The following RYR2 variants were observed in gnomAD, a reference collection of about 807,000 sequenced individuals.
RYR2 encodes ryanodine receptor 2.
A neutral mutation model predicts 601.1 loss-of-function variants in RYR2; 227 were observed. That is an observed-to-expected ratio of 0.38 (90% CI 0.34 to 0.42). RYR2 has a LOEUF of 0.42. RYR2 is among the 10% of genes least tolerant of loss of function. The pLI, the probability that RYR2 is intolerant of heterozygous loss-of-function variation, is 1.00. For synonymous variants in RYR2, 2,223 were observed against 2,175.1 expected (o/e 1.02, Z -0.61); for missense variants, 4,646 against 6,156.5 (o/e 0.75, Z 8.21).
At chr1:237,081,625 ACACT>A (rs930447330) in intron 1 of RYR2, among the ~76,000 whole-genome samples, 2 of 151,924 alleles carry the variant, frequency 1.3e-5, no homozygotes, top group Non-Finnish European at 2.9e-5. Flanking sequence ...ACATACGCAC[ACACT>A]CTCTCTCTCC....
chr1:237,687,531 G>A (rs2148969408), intron 63 of RYR2, 27 bp downstream of exon 63: 2 of 1,576,382 alleles, frequency 1.3e-6, no homozygotes, highest in Non-Finnish European at 1.7e-6. Context: ...AAAAATACAA[G>A]CATGGCCATC....
chr1:237,281,995 A>T (rs1431606229), intron 2 of RYR2, among the ~76,000 whole-genome samples: 1 of 149,358 alleles, frequency 6.7e-6, no homozygotes, highest in South Asian at 2.1e-4. Context: ...TATATACTAC[A>T]GAGTGCCTGC....
At chr1:237,605,571 A>G (rs1349648086) in intron 35 of RYR2, among the ~76,000 whole-genome samples, 1 of 152,210 alleles carries the variant, frequency 6.6e-6, no homozygotes, top group African/African-American at 2.4e-5. Flanking sequence ...GGCCAGAGCA[A>G]TCAGGCAAGG....
intron 2 of RYR2, among the ~76,000 whole-genome samples, chr1:237,280,001 A>G (rs1396248545): frequency 1.3e-5 from 2 of 152,238 alleles, no homozygotes; most frequent in East Asian, 1.9e-4. Context: ...TAGATGTAAC[A>G]ATATCAAGAG....
intron 80 of RYR2, among the ~76,000 whole-genome samples, chr1:237,750,798 G>C (rs978371428): frequency 6.6e-6 from 1 of 152,084 alleles, no homozygotes; most frequent in Non-Finnish European, 1.5e-5. Context: ...AGCATAAAAT[G>C]GCTACCAAGT....
chr1:237,405,253 C>A (rs982462664), intron 10 of RYR2, among the ~76,000 whole-genome samples: 19 of 152,122 alleles, frequency 1.2e-4, no homozygotes, highest in African/African-American at 4.6e-4. Flanking sequence ...GATGCAACTG[C>A]CAGTGATGTA....
chr1:237,304,307 C>T (rs1303458490), intron 2 of RYR2, among the ~76,000 whole-genome samples: 1 of 152,214 alleles, frequency 6.6e-6, no homozygotes, highest in East Asian at 1.9e-4. Context: ...CAAGTCCCTT[C>T]AGCTTCTTTT....
At chr1:237,580,100 C>T (rs958292091) in intron 29 of RYR2, among the ~76,000 whole-genome samples, 4 of 151,258 alleles carry the variant, frequency 2.6e-5, no homozygotes, top group Non-Finnish European at 4.4e-5. Context: ...GAAGACTGCA[C>T]ATCTCACTCT....
At chr1:237,393,284 C>T (rs565476416) in intron 10 of RYR2, among the ~76,000 whole-genome samples, 2 of 152,258 alleles carry the variant, frequency 1.3e-5, no homozygotes, top group South Asian at 4.1e-4. Context: ...ATTTGCTTCC[C>T]AAAATGTGAC....
At chr1:237,344,232 G>T (rs1359308225) in intron 3 of RYR2, among the ~76,000 whole-genome samples, 1 of 152,186 alleles carries the variant, frequency 6.6e-6, no homozygotes, top group Non-Finnish European at 1.5e-5. Context: ...ATGGCGTTTT[G>T]CCGGGGGCTG....
chr1:237,770,807 G>T lies in RYR2; in HGVS notation c.11477G>T (p.Gly3826Val). The change falls in exon 85 of 105, where the codon GGA (glycine) becomes GTA (valine). Residue 3826 changes from glycine (G) to valine (V), a missense_variant and splice_region_variant. Coordinates refer to ENST00000366574, the MANE Select transcript of RYR2 (RefSeq NM_001035.3). ...TTTGATCCCTCTGGATTTCCCACAG[G>T]AGAAAAGGTTCTGCAGGACGATGAG... is the stretch of plus-strand genomic sequence containing the variant. ...GLGMVTEEGS[G>V]EKVLQDDEFT... 1 of 1,550,464 alleles carries T rather than the reference G, an allele frequency of 6.4e-7. No homozygotes were observed. The highest frequency in any genetic ancestry group is 1.2e-5 in the South Asian group (1 of 84,152).
At chr1:237,794,990 G>A (rs1658933321) in intron 95 of RYR2, among the ~76,000 whole-genome samples, 1 of 152,150 alleles carries the variant, frequency 6.6e-6, no homozygotes, top group African/African-American at 2.4e-5. Context: ...ACAGGTCTAT[G>A]TACTGATATG....
intron 1 of RYR2, among the ~76,000 whole-genome samples, chr1:237,058,262 T>A (rs1162554421): frequency 6.6e-6 from 1 of 152,230 alleles, no homozygotes; most frequent in Non-Finnish European, 1.5e-5. Flanking sequence ...GGAAACAGAA[T>A]GATTCTGCTG....
chr1:237,572,604 A>G (rs192838391), intron 29 of RYR2, among the ~76,000 whole-genome samples: 1 of 152,312 alleles, frequency 6.6e-6, no homozygotes, highest in Admixed American at 6.5e-5. Flanking sequence ...TCTATCATAG[A>G]GTTAACACAG....
At chr1:237,374,624 C>A in intron 6 of RYR2, 93 bp from the exon 7 acceptor site, 1 of 1,055,218 alleles carries the variant, frequency 9.5e-7, no homozygotes, top group Non-Finnish European at 1.4e-6. Context: ...CGCCACTGCA[C>A]TTCCAGCCTG....
rs1271789773 is a variant in RYR2, at chr1:237,531,540, T to C, written c.2906+1030T>C. ...AGATATAATCAAAGTAGCCACCCCA[T>C]AATCTCTATCAGTCACCTCAGGCCT... is the stretch of plus-strand genomic sequence containing the variant. On this transcript the variant is annotated intron_variant, in intron 25 of 104. Transcript: ENST00000366574. Among the ~76,000 whole-genome samples, 3 of 152,284 alleles carry C rather than the reference T, an allele frequency of 2.0e-5. No individual in the cohort carries two copies. The South Asian group carries it at 6.2e-4, about 32-fold the overall frequency.
chr1:237,717,371 A>T lies in RYR2; in HGVS notation c.10494+3A>T. 6.3e-7 allele frequency: 1 copy of T among 1,597,852 alleles called. No individual in the cohort carries two copies. Among genetic ancestry groups the T allele is most frequent in the Non-Finnish European group, 8.5e-7 (1 of 1,170,712 alleles). ...TGGCCAAAAATCGATTTAGCCTGGTAAGTCTCCTTTTCATCCCAGCGGTAA... is the reference window on the plus strand; with the variant it reads ...TGGCCAAAAATCGATTTAGCCTGGTTAGTCTCCTTTTCATCCCAGCGGTAA... On this transcript the variant is annotated splice_donor_region_variant and intron_variant, in intron 72 of 104. Transcript: ENST00000366574.
intron 34 of RYR2, among the ~76,000 whole-genome samples, chr1:237,599,282 G>T (rs905675684): frequency 1.3e-5 from 2 of 152,126 alleles, no homozygotes; most frequent in Middle Eastern, 3.4e-3. Context: ...AGAGAATTTG[G>T]CAAGAAAAAG....
chr1:237,616,524 CCT>C (rs1440568624), intron 37 of RYR2, among the ~76,000 whole-genome samples: 2 of 152,112 alleles, frequency 1.3e-5, no homozygotes, highest in Admixed American at 1.3e-4. Flanking sequence ...TGGTTTTCTT[CCT>C]AAAATGCTCA....
Sources: allele counts gnomAD v4.1 joint callset (sites outside exome capture counted in the v4.1 genomes callset), GRCh38; gene constraint gnomAD v4.1.1; transcripts MANE v1.5; gene names NCBI Gene and HGNC (gene_info 2026-07-23, HGNC 2026-07-21).